CACNA2D3: variants seen among roughly 807,000 people sequenced by gnomAD.
CACNA2D3 encodes the protein calcium voltage-gated channel auxiliary subunit alpha2delta 3.
Under a neutral mutation model 160.6 loss-of-function variants are expected in CACNA2D3, and 60 were observed. That is an observed-to-expected ratio of 0.37 (90% CI 0.30 to 0.46). CACNA2D3 has a LOEUF of 0.46. Ranked by LOEUF, CACNA2D3 falls within the 20% of genes least tolerant of loss-of-function variation. CACNA2D3 has a pLI of 1.00. For synonymous variants in CACNA2D3, 558 were observed against 492.9 expected (o/e 1.13, Z -1.75); for missense variants, 1,205 against 1,365.0 (o/e 0.88, Z 1.85).
intron 35 of CACNA2D3, among the ~76,000 whole-genome samples, chr3:55,045,345 A>T (rs1704052529): frequency 6.6e-6 from 1 of 152,128 alleles, no homozygotes; most frequent in Non-Finnish European, 1.5e-5. Flanking sequence ...CCACCGCGTC[A>T]AGCCTATAGT....
At position 54,554,870 on chromosome 3, in the gene CACNA2D3, C is replaced by CTTT. The variant is rs66526065; in HGVS notation, c.545-7911_545-7909dup. 6.3e-3 allele frequency among the ~76,000 whole-genome samples: 604 copies of CTTT among 96,054 alleles called. 34 individuals carry two copies. The highest frequency in any genetic ancestry group is 0.023 in the African/African-American group (543 of 23,540). The allele number at this position is 96,054 out of a possible 152,430, so 63.0% of individuals were successfully genotyped here. A position where few individuals can be genotyped will look rare whatever the true frequency, so the allele number is the denominator to read the frequency against. On this transcript the variant is annotated intron_variant, in intron 5 of 37. Coordinates refer to ENST00000474759, the MANE Select transcript of CACNA2D3 (RefSeq NM_018398.3). ...TTTCTTTTCTTTTCTCTCTCACTCT[C>CTTT]TTTTTTTTTTTTTTTTTTTTTGGAG...
chr3:54,282,459 T>G (rs1248746374), intron 2 of CACNA2D3, among the ~76,000 whole-genome samples: 1 of 152,206 alleles, frequency 6.6e-6, no homozygotes, highest in African/African-American at 2.4e-5. Context: ...ACCAGAGTAC[T>G]ATGTGGATCA....
At chr3:54,210,458 G>A (rs928268311) in intron 2 of CACNA2D3, among the ~76,000 whole-genome samples, 1 of 152,016 alleles carries the variant, frequency 6.6e-6, no homozygotes, top group Non-Finnish European at 1.5e-5. Context: ...GTGTGTGTGT[G>A]TGTTTAAGAT....
At chr3:54,132,286 T>G (rs1417656573) in intron 2 of CACNA2D3, among the ~76,000 whole-genome samples, 1 of 152,246 alleles carries the variant, frequency 6.6e-6, no homozygotes, top group African/African-American at 2.4e-5. Flanking sequence ...AATACGAAAT[T>G]CGCACACCAA....
intron 4 of CACNA2D3, among the ~76,000 whole-genome samples, chr3:54,476,417 A>G (rs1050577884): frequency 1.3e-5 from 2 of 151,930 alleles, no homozygotes; most frequent in East Asian, 1.9e-4. Context: ...CTTTTGATAT[A>G]CACCCAGAAA....
At chr3:54,510,544 A>G (rs918583012) in intron 5 of CACNA2D3, among the ~76,000 whole-genome samples, 7 of 152,138 alleles carry the variant, frequency 4.6e-5, no homozygotes, top group African/African-American at 1.2e-4. Context: ...GGCTCTCTGA[A>G]GCACTGTTCC....
At chr3:54,660,143 C>CTTTTTTTTTTTTTTTTT (rs34482934) in intron 11 of CACNA2D3, among the ~76,000 whole-genome samples, 2 of 142,786 alleles carry the variant, frequency 1.4e-5, no homozygotes, top group African/African-American at 2.6e-5. Context: ...CTTTTGGTTT[C>CTTTTTTTTTTTTTTTTT]TTTTTTTTTT....
chr3:54,480,587 A>C (rs1240409298), intron 4 of CACNA2D3, among the ~76,000 whole-genome samples: 1 of 152,172 alleles, frequency 6.6e-6, no homozygotes, highest in Non-Finnish European at 1.5e-5. Context: ...AAAGAATATA[A>C]AATATGTATG....
At chr3:54,203,439 T>A (rs1701212315) in intron 2 of CACNA2D3, among the ~76,000 whole-genome samples, 1 of 152,226 alleles carries the variant, frequency 6.6e-6, no homozygotes, top group African/African-American at 2.4e-5. Context: ...GTTTGTCATC[T>A]GTAGGCAGCT....
chr3:54,520,279 C>G (rs1575500883), intron 5 of CACNA2D3, among the ~76,000 whole-genome samples: 3 of 152,226 alleles, frequency 2.0e-5, no homozygotes. Context: ...AGCACCATCT[C>G]CCTTCCTGAG....
intron 2 of CACNA2D3, among the ~76,000 whole-genome samples, chr3:54,186,731 GA>G (rs61058248): frequency 0.025 from 3,751 of 149,878 alleles, 164 homozygotes; most frequent in African/African-American, 0.085. Flanking sequence ...TATGTCTTCT[GA>G]AAAAAAAAAT....
At chr3:54,168,997 A>C (rs1037456882) in intron 2 of CACNA2D3, among the ~76,000 whole-genome samples, 1 of 152,214 alleles carries the variant, frequency 6.6e-6, no homozygotes, top group African/African-American at 2.4e-5. Flanking sequence ...ATGGTGCTCA[A>C]AACGGTGAGA....
At chr3:54,138,354 G>C (rs958822805) in intron 2 of CACNA2D3, among the ~76,000 whole-genome samples, 2 of 152,360 alleles carry the variant, frequency 1.3e-5, no homozygotes, top group East Asian at 3.9e-4. Context: ...ATGTGAGAGA[G>C]AGCGGGGAGA....
intron 2 of CACNA2D3, among the ~76,000 whole-genome samples, chr3:54,314,866 A>G (rs1218757737): frequency 6.6e-6 from 1 of 152,186 alleles, no homozygotes; most frequent in East Asian, 1.9e-4. Flanking sequence ...GCCTGGCTCA[A>G]ACCTTTCACC....
chr3:54,485,492 C>T (rs534822210), intron 4 of CACNA2D3, among the ~76,000 whole-genome samples: 5 of 152,142 alleles, frequency 3.3e-5, no homozygotes, highest in African/African-American at 4.8e-5. Flanking sequence ...GTGTCATTTA[C>T]ACTGATGATT....
intron 5 of CACNA2D3, among the ~76,000 whole-genome samples, chr3:54,508,481 G>A (rs766912982): frequency 9.9e-5 from 15 of 152,146 alleles, no homozygotes; most frequent in Non-Finnish European, 1.6e-4. Flanking sequence ...CCATGAAGGC[G>A]GGAACCCCAG....
intron 35 of CACNA2D3, among the ~76,000 whole-genome samples, chr3:55,039,116 C>T (rs774396219): frequency 1.3e-5 from 2 of 151,880 alleles, no homozygotes. Context: ...ATCATTCTAG[C>T]ATCTTCGCAA....
chr3:54,528,880 T>C (rs560577443), intron 5 of CACNA2D3, among the ~76,000 whole-genome samples: 13 of 152,332 alleles, frequency 8.5e-5, no homozygotes, highest in Admixed American at 2.0e-4. Context: ...AAAGTCATAT[T>C]AATGGATATT....
intron 35 of CACNA2D3, among the ~76,000 whole-genome samples, chr3:55,033,460 G>A (rs1189309605): frequency 2.0e-5 from 3 of 151,016 alleles, no homozygotes; most frequent in East Asian, 1.9e-4. Context: ...ACATACAGGC[G>A]CTTAGGTATA....
Sources: allele counts gnomAD v4.1 joint callset (sites outside exome capture counted in the v4.1 genomes callset), GRCh38; gene constraint gnomAD v4.1.1; transcripts MANE v1.5; gene names NCBI Gene and HGNC (gene_info 2026-07-23, HGNC 2026-07-21).